Variants in CRTC3 observed in about 807,000 individuals in gnomAD.
CRTC3 encodes CREB regulated transcription coactivator 3.
CRTC3 carries 26 observed loss-of-function variants against 74.5 expected under a neutral mutation model. The ratio of observed to expected loss-of-function variants is 0.35; its 90% CI spans 0.26 to 0.48. The LOEUF is 0.48. Ranked by LOEUF, CRTC3 falls within the 20% of genes least tolerant of loss-of-function variation. The pLI, the probability that CRTC3 is intolerant of heterozygous loss-of-function variation, is 0.99. For synonymous variants in CRTC3, 377 were observed against 325.8 expected, an observed-to-expected ratio of 1.16 and a Z score of -1.69; for missense variants, 760 against 787.3, an observed-to-expected ratio of 0.97 and a Z score of 0.41.
At chr15:90,564,476 A>G (rs982887722) in intron 2 of CRTC3, among the ~76,000 whole-genome samples, 1 of 151,718 alleles carries the variant, frequency 6.6e-6, no homozygotes, top group East Asian at 1.9e-4. Context: ...CTCCTCTATT[A>G]TTTTCTCTGC....
At chr15:90,572,408 G>T (rs1428366871) in intron 2 of CRTC3, among the ~76,000 whole-genome samples, 1 of 152,116 alleles carries the variant, frequency 6.6e-6, no homozygotes, top group African/African-American at 2.4e-5. Context: ...AAGGGTATTT[G>T]TGAGATATGT....
intron 2 of CRTC3, among the ~76,000 whole-genome samples, chr15:90,576,130 G>T (rs957872783): frequency 1.3e-5 from 2 of 152,128 alleles, no homozygotes; most frequent in African/African-American, 4.8e-5. Flanking sequence ...ATGGCCAGGT[G>T]CACTGGCCTG....
Position 90,642,760 on chromosome 15 carries a change from A to G in CRTC3, c.*620A>G. ...TGAAGGCTAATTTTCATTTTCTCCC[A>G]GCTGGTTTCTGCTGCTTCAGAAAAG... On this transcript the variant is annotated 3_prime_UTR_variant, in exon 15 of 15. Transcript: ENST00000268184. 4.3e-6 allele frequency: 1 copy of G among 232,022 alleles called. No homozygotes were observed. Among genetic ancestry groups the G allele is most frequent in the Middle Eastern group, 1.3e-3 (1 of 778 alleles). 14.4% of individuals were successfully genotyped at this position (232,022 alleles called of 1,614,324 possible).
intron 3 of CRTC3, chr15:90,599,066 A>C (rs1370104098): frequency 6.5e-6 from 1 of 153,068 alleles, no homozygotes; most frequent in South Asian, 2.1e-4. Context: ...ATCAGGACGG[A>C]AGGCAAAGGG....
chr15:90,617,571 C>T (rs1968525468), intron 7 of CRTC3, among the ~76,000 whole-genome samples: 1 of 152,024 alleles, frequency 6.6e-6, no homozygotes, highest in South Asian at 2.1e-4. Flanking sequence ...GTTCTGTTGC[C>T]CAGCCTGGAG....
At chr15:90,604,506 T>G (rs1968165928) in intron 5 of CRTC3, 59 bp downstream of exon 5, 3 of 1,279,176 alleles carry the variant, frequency 2.3e-6, no homozygotes, top group Non-Finnish European at 3.4e-6. Context: ...GTCCTGATAT[T>G]TTTTACATAG....
intron 11 of CRTC3, among the ~76,000 whole-genome samples, chr15:90,634,052 T>A (rs1405763088): frequency 2.6e-5 from 4 of 152,158 alleles, no homozygotes; most frequent in Admixed American, 6.6e-5. Flanking sequence ...TTTCCTAAAT[T>A]GCATAAAAGT....
intron 4 of CRTC3, 62 bp from the exon 5 acceptor site, chr15:90,604,323 G>A (rs903553735): frequency 2.5e-5 from 32 of 1,297,500 alleles, no homozygotes; most frequent in Non-Finnish European, 3.1e-5. Context: ...CAAGTGCTGA[G>A]GCCCTCCTTT....
chr15:90,534,316 G>A (rs1274417242), intron 1 of CRTC3, among the ~76,000 whole-genome samples: 2 of 152,186 alleles, frequency 1.3e-5, no homozygotes, highest in African/African-American at 4.8e-5. Flanking sequence ...GTGCGGAAAT[G>A]CTGAGTTTGA....
intron 2 of CRTC3, among the ~76,000 whole-genome samples, chr15:90,542,365 G>T (rs1361910066): frequency 6.6e-6 from 1 of 151,484 alleles, no homozygotes; most frequent in African/African-American, 2.4e-5. Flanking sequence ...TTTTAGTAGA[G>T]ACAGTGTCTC....
chr15:90,601,296 C>T (rs1365587686), intron 3 of CRTC3, among the ~76,000 whole-genome samples: 1 of 152,116 alleles, frequency 6.6e-6, no homozygotes, highest in Non-Finnish European at 1.5e-5. Context: ...ACAGTGCCCC[C>T]AACAACACTG....
At chr15:90,535,877 A>C (rs573431991) in intron 1 of CRTC3, among the ~76,000 whole-genome samples, 21 of 152,160 alleles carry the variant, frequency 1.4e-4, no homozygotes, top group Non-Finnish European at 2.9e-4. Context: ...GAGTAAACTG[A>C]GGCTTAGAGA....
At chr15:90,544,641 T>C (rs899266942) in intron 2 of CRTC3, among the ~76,000 whole-genome samples, 1 of 152,206 alleles carries the variant, frequency 6.6e-6, no homozygotes, top group Non-Finnish European at 1.5e-5. Context: ...AAGTAGCTAG[T>C]AGTGGAATTG....
At chr15:90,620,386 A>C (rs28481974) in intron 9 of CRTC3, among the ~76,000 whole-genome samples, 5,391 of 152,294 alleles carry the variant, frequency 0.035, 335 homozygotes, top group African/African-American at 0.12. Context: ...TTAATTTGTT[A>C]GTGGATTTAA....
At chr15:90,626,729 A>G (rs1346641796) in intron 10 of CRTC3, among the ~76,000 whole-genome samples, 2 of 151,226 alleles carry the variant, frequency 1.3e-5, no homozygotes, top group Admixed American at 1.3e-4. Context: ...CTTCTGCCTC[A>G]GCCTCCAGGG....
chr15:90,533,728 A>AC (rs1220695141), intron 1 of CRTC3, among the ~76,000 whole-genome samples: 1 of 152,178 alleles, frequency 6.6e-6, no homozygotes, highest in Non-Finnish European at 1.5e-5. Context: ...TTTAATGAGG[A>AC]AGACATTCAT....
At chr15:90,548,294 T>C (rs576583283) in intron 2 of CRTC3, among the ~76,000 whole-genome samples, 1 of 152,344 alleles carries the variant, frequency 6.6e-6, no homozygotes, top group African/African-American at 2.4e-5. Context: ...AATTGCATCA[T>C]GTCATGTGTA....
chr15:90,607,530 T>C, intron 6 of CRTC3, 52 bp downstream of exon 6: 1 of 1,168,698 alleles, frequency 8.6e-7, no homozygotes, highest in Non-Finnish European at 1.3e-6. Flanking sequence ...CATTCTGTCC[T>C]AGGAACCAAG....
In CRTC3 at chr15:90,570,583, C is replaced by G. The variant is rs543915029; in HGVS notation, c.232-23053C>G. On this transcript the variant is annotated intron_variant, in intron 2 of 14. Coordinates refer to ENST00000268184, the MANE Select transcript of CRTC3 (RefSeq NM_022769.5). ...GGAAAGAATAGTAATTCTTTAGATG[C>G]TAACCCAGCCGGCTGTAAACAAATC... is the stretch of plus-strand genomic sequence containing the variant. 1.2e-4 allele frequency among the ~76,000 whole-genome samples: 19 copies of G among 152,194 alleles called. No homozygotes were observed. In the South Asian group the frequency reaches 2.9e-3, roughly 23 times the overall value.
Sources: allele counts gnomAD v4.1 joint callset (sites outside exome capture counted in the v4.1 genomes callset), GRCh38; gene constraint gnomAD v4.1.1; transcripts MANE v1.5; gene names NCBI Gene and HGNC (gene_info 2026-07-23, HGNC 2026-07-21).